MAPK8IP3: variants seen among roughly 807,000 people sequenced by gnomAD.
MAPK8IP3 encodes the protein mitogen-activated protein kinase 8 interacting protein 3, also known as C-Jun-amino-terminal kinase-interacting protein 3.
MAPK8IP3 carries 49 observed loss-of-function variants against 157.8 expected under a neutral mutation model. The observed-to-expected ratio is 0.31, with a 90% CI of 0.25 to 0.39. MAPK8IP3 has a LOEUF of 0.39. MAPK8IP3 is among the 10% of genes least tolerant of loss of function. The pLI, the probability that MAPK8IP3 is intolerant of heterozygous loss-of-function variation, is 1.00. For synonymous variants in MAPK8IP3, 897 were observed against 777.7 expected (o/e 1.15, Z -2.55); for missense variants, 1,478 against 1,889.4 (o/e 0.78, Z 4.04).
chr16:1,751,327 C>T lies in MAPK8IP3; in HGVS notation c.1216+2607C>T, dbSNP rs750598011. Among the ~76,000 whole-genome samples the T allele has an allele frequency of 6.6e-6, 1 of 152,058 alleles. No homozygotes were observed. The highest frequency in any genetic ancestry group is 2.4e-5 in the African/African-American group (1 of 41,406). On this transcript the variant is annotated intron_variant, in intron 8 of 31. Transcript: ENST00000610761. The surrounding 1 kb of genome is among the most constrained non-coding windows in gnomAD (Gnocchi z 5.0). ...AAAAGAAATTAGCTGGGCCTGGTGG[C>T]GGGCACCTGTAATCCCAGCTACTCG... is the stretch of plus-strand genomic sequence containing the variant.
Position 1,767,604 on chromosome 16 carries a change from G to A in MAPK8IP3, c.3278G>A (p.Arg1093Gln), listed in dbSNP as rs1356474460. The A allele has an allele frequency of 1.9e-6, 3 of 1,612,388 alleles. No individual in the cohort carries two copies. Among genetic ancestry groups the A allele is most frequent in the Admixed American group, 1.7e-5 (1 of 59,990 alleles). Residue 1093 changes from arginine to glutamine, a missense_variant, in exon 27 of 32, where the codon CGG (arginine) becomes CAG (glutamine). By Grantham distance (43) the Arg-to-Gln change is conservative. Coordinates refer to ENST00000610761, the MANE Select transcript of MAPK8IP3 (RefSeq NM_001318852.2). ...DAHPRRESQV[R>Q]QLAWIGDGVW... is the part of the protein sequence containing the mutation. The stretch of plus-strand genomic sequence containing the variant: ...CACCCGCGGCGGGAGAGCCAGGTGC[G>A]GCAGCTGGCGTGGATCGGCGATGGC...
rs377520904 is a variant in MAPK8IP3, at chr16:1,724,670, C to T, written c.432C>T (p.Ala144=). The change falls in exon 2 of 32, where the codon GCC becomes GCT. Residue 144 remains alanine (A), a synonymous_variant. Transcript: ENST00000610761. This position sits in a 1 kb window ranked among gnomAD's most constrained non-coding sequence, Gnocchi z 4.1. ...RQLELKAKNY[A]DQISRLEERE... ...TGGAGCTGAAGGCCAAGAACTATGC[C>T]GATCAGAGTAAGTGGCTGGCGGGAG... The T allele has an allele frequency of 1.1e-4, 183 of 1,612,692 alleles. No homozygotes were observed. Among genetic ancestry groups the T allele is most frequent in the Non-Finnish European group, 1.5e-4 (174 of 1,179,438 alleles).
In MAPK8IP3 at chr16:1,743,901, C is replaced by CTA. The variant is rs1404255900; in HGVS notation, c.747+426_747+427dup. 3.8e-6 allele frequency: 4 copies of CTA among 1,047,112 alleles called. No homozygotes were observed. The Admixed American group carries it at 2.4e-4, about 62-fold the overall frequency. 64.9% of individuals were successfully genotyped at this position (1,047,112 alleles called of 1,614,324 possible). A position where few individuals can be genotyped will look rare whatever the true frequency, so the allele number is the denominator to read the frequency against. On this transcript the variant is annotated intron_variant, in intron 5 of 31. Coordinates refer to ENST00000610761, the MANE Select transcript of MAPK8IP3 (RefSeq NM_001318852.2). The surrounding 1 kb of genome is among the most constrained non-coding windows in gnomAD (Gnocchi z 5.6). ...TCTACTCTCGGAGGAACGTCAGTGTCTAGAGTGTGGGGTTTGCCCTCCGTT... is the reference window on the plus strand; with the variant it reads ...TCTACTCTCGGAGGAACGTCAGTGTCTATAGAGTGTGGGGTTTGCCCTCCGTT...
chr16:1,706,775 C>G lies in MAPK8IP3; in HGVS notation c.318+118C>G. The G allele has an allele frequency of 1.7e-6, 2 of 1,149,920 alleles. No individual in the cohort carries two copies. The highest frequency in any genetic ancestry group is 2.3e-6 in the Non-Finnish European group (2 of 851,672). The allele number at this position is 1,149,920 out of a possible 1,614,324, so 71.2% of individuals were successfully genotyped here. A position where few individuals can be genotyped will look rare whatever the true frequency, so the allele number is the denominator to read the frequency against. ...CGCTCCGGCACCCCGGACCGCGGGA[C>G]CCCTGGACCCCCAGACCCCGCCCCG... On this transcript the variant is annotated intron_variant, in intron 1 of 31. Coordinates refer to ENST00000610761, the MANE Select transcript of MAPK8IP3 (RefSeq NM_001318852.2). The surrounding 1 kb of genome is among the most constrained non-coding windows in gnomAD (Gnocchi z 5.1).
chr16:1,765,826 G>C lies in MAPK8IP3; in HGVS notation c.2447-134G>C, dbSNP rs1046861089. ...GGGTCGTGGGTGGGCTGTGGGTGGAGCATGTGTGGAAGCTGGGTCTGCTGG... is the reference window on the plus strand; with the variant it reads ...GGGTCGTGGGTGGGCTGTGGGTGGACCATGTGTGGAAGCTGGGTCTGCTGG... On this transcript the variant is annotated intron_variant, in intron 20 of 31. Transcript: ENST00000610761. 2.4e-5 allele frequency: 19 copies of C among 788,370 alleles called. No homozygotes were observed. In the African/African-American group the frequency reaches 2.9e-4, roughly 12 times the overall value. The allele number at this position is 788,370 out of a possible 1,614,324, so 48.8% of individuals were successfully genotyped here. A position where few individuals can be genotyped will look rare whatever the true frequency, so the allele number is the denominator to read the frequency against.
rs1475664936 is a variant in MAPK8IP3, at chr16:1,763,963, G to A, written c.2026-152G>A. The A allele has an allele frequency of 1.3e-5, 14 of 1,066,940 alleles. No individual in the cohort carries two copies. The Admixed American group carries it at 3.2e-4, about 24-fold the overall frequency. 66.1% of individuals were successfully genotyped at this position (1,066,940 alleles called of 1,614,324 possible). Reference sequence around the variant, plus strand: ...TCCTGGGCAGGGGTCTGGAGGGTCGGAGAAGGAGCCCCGCGGCTCCCACGC... The same window carrying A: ...TCCTGGGCAGGGGTCTGGAGGGTCGAAGAAGGAGCCCCGCGGCTCCCACGC... On this transcript the variant is annotated intron_variant, in intron 17 of 31. Coordinates refer to ENST00000610761, the MANE Select transcript of MAPK8IP3 (RefSeq NM_001318852.2).
At chr16:1,746,694 A>T (rs1412757335) in intron 5 of MAPK8IP3, 2 of 316,310 alleles carry the variant, frequency 6.3e-6, no homozygotes, top group Non-Finnish European at 1.2e-5. Flanking sequence ...GCCACAAGCT[A>T]CAGGGGGCTG....
At chr16:1,757,047 G>A (rs1280490128) in intron 8 of MAPK8IP3, among the ~76,000 whole-genome samples, 3 of 152,154 alleles carry the variant, frequency 2.0e-5, no homozygotes, top group Admixed American at 6.5e-5. Context: ...CTCGAATTGG[G>A]AATTGCTTTA....
At chr16:1,748,900 GT>G in intron 8 of MAPK8IP3, 180 bp downstream of exon 8, 1 of 742,820 alleles carries the variant, frequency 1.3e-6, no homozygotes, top group Non-Finnish European at 2.5e-6. Context: ...CAGGGGATTG[GT>G]TTCTGGACTG....
chr16:1,765,819 G>A (rs2042223881), intron 20 of MAPK8IP3, 141 bp from the exon 21 acceptor site: 6 of 759,086 alleles, frequency 7.9e-6, no homozygotes, highest in Non-Finnish European at 1.1e-5. Flanking sequence ...GGTGGGCTGT[G>A]GGTGGAGCAT....
At chr16:1,736,081 AGAGT>A (rs2039758701) in intron 4 of MAPK8IP3, among the ~76,000 whole-genome samples, 1 of 59,558 alleles carries the variant, frequency 1.7e-5, no homozygotes, top group East Asian at 6.4e-4. Flanking sequence ...CATCCGTGTG[AGAGT>A]GTGACCGTCC....
intron 5 of MAPK8IP3, chr16:1,745,336 C>T (rs1448220585): frequency 8.4e-6 from 2 of 239,362 alleles, no homozygotes; most frequent in Non-Finnish European, 1.4e-5. Flanking sequence ...CGGGTGGTGG[C>T]AGAGTCGGTG....
At chr16:1,728,275 C>T (rs1014075333) in intron 2 of MAPK8IP3, among the ~76,000 whole-genome samples, 1 of 152,216 alleles carries the variant, frequency 6.6e-6, no homozygotes, top group Non-Finnish European at 1.5e-5. Context: ...TGACTGTCAG[C>T]CCAGAAGGCA....
rs776699603 is a variant in MAPK8IP3, at chr16:1,763,021, G to A, written c.1898+15G>A. The A allele has an allele frequency of 4.3e-6, 7 of 1,612,258 alleles. 1 individual carries two copies. In the East Asian group the frequency reaches 6.7e-5, roughly 15 times the overall value. ...TTCCCTGACGAGTGAGTGTCCCGCAGCCCCCACTTGTGGCCTGCAATGGGG... is the reference window on the plus strand; with the variant it reads ...TTCCCTGACGAGTGAGTGTCCCGCAACCCCCACTTGTGGCCTGCAATGGGG... On this transcript the variant is annotated intron_variant, in intron 16 of 31. Coordinates refer to ENST00000610761, the MANE Select transcript of MAPK8IP3 (RefSeq NM_001318852.2).
At chr16:1,739,184 A>T (rs1409197835) in intron 4 of MAPK8IP3, among the ~76,000 whole-genome samples, 7 of 104,384 alleles carry the variant, frequency 6.7e-5, no homozygotes, top group Middle Eastern at 8.3e-3. Context: ...CCATGTGAGC[A>T]TCCGTGTGAC....
chr16:1,717,909 T>C (rs982805291), intron 1 of MAPK8IP3, among the ~76,000 whole-genome samples: 13 of 152,178 alleles, frequency 8.5e-5, no homozygotes, highest in Non-Finnish European at 1.5e-4. Flanking sequence ...TGGAGTGCAG[T>C]GGCACGATCT....
chr16:1,734,669 G>A (rs1020073907), intron 4 of MAPK8IP3, among the ~76,000 whole-genome samples: 4 of 152,264 alleles, frequency 2.6e-5, no homozygotes, highest in Non-Finnish European at 5.9e-5. Context: ...GAAGGAGCCC[G>A]TCCCTGCTGG....
At chr16:1,761,392 A>T in intron 13 of MAPK8IP3, 87 bp downstream of exon 13, 1 of 1,117,584 alleles carries the variant, frequency 8.9e-7, no homozygotes. Flanking sequence ...ATTCACACAC[A>T]GGGTGACCAC....
intron 15 of MAPK8IP3, 48 bp from the exon 16 acceptor site, chr16:1,762,788 G>T (rs371274711): frequency 6.3e-7 from 1 of 1,599,542 alleles, no homozygotes; most frequent in African/African-American, 1.3e-5. Flanking sequence ...GGGGCAGGGA[G>T]GTTCCCTGGT....
Sources: gnomAD v4.1 joint callset for allele counts (sites outside exome capture counted in the v4.1 genomes callset) on GRCh38, gnomAD v4.1.1 for gene constraint, Gnocchi (gnomAD v3.1) non-coding constraint, MANE v1.5 for transcripts, NCBI Gene and HGNC (gene_info 2026-07-23, HGNC 2026-07-21) for gene names.